Variants in GOLGA4 observed in about 807,000 individuals in gnomAD.
GOLGA4 encodes the protein golgin A4.
A neutral mutation model predicts 265.9 loss-of-function variants in GOLGA4; 169 were observed. That is an observed-to-expected ratio of 0.64 (90% CI 0.56 to 0.72). GOLGA4 has a LOEUF of 0.72. Ranked by LOEUF, GOLGA4 falls within the 30% of genes least tolerant of loss-of-function variation. GOLGA4 has a pLI of 0.00. For synonymous variants in GOLGA4, 923 were observed against 855.8 expected, an observed-to-expected ratio of 1.08 and a Z score of -1.37; for missense variants, 2,482 against 2,483.4, an observed-to-expected ratio of 1.00 and a Z score of 0.01.
chr3:37,282,797 A>G (rs1276316582), intron 3 of GOLGA4, among the ~76,000 whole-genome samples: 1 of 152,210 alleles, frequency 6.6e-6, no homozygotes, highest in Non-Finnish European at 1.5e-5. Context: ...ACCCTTGAGA[A>G]TGACACTCCC....
chr3:37,251,939 T>TATA (rs1396062401), intron 2 of GOLGA4, among the ~76,000 whole-genome samples: 3 of 152,220 alleles, frequency 2.0e-5, no homozygotes, highest in Non-Finnish European at 4.4e-5. Context: ...AATTATGCTT[T>TATA]ATAAAGTATG....
intron 20 of GOLGA4, among the ~76,000 whole-genome samples, chr3:37,344,033 TTATCTA>T (rs1438122649): frequency 2.6e-5 from 4 of 152,230 alleles, no homozygotes; most frequent in Non-Finnish European, 5.9e-5. Flanking sequence ...CTTTTCCACA[TTATCTA>T]TATGGTTACC....
At position 37,326,173 on chromosome 3, in the gene GOLGA4, T is replaced by G; in HGVS notation, c.4287T>G (p.Ile1429Met). The change falls in exon 14 of 24, where the codon ATT becomes ATG. Residue 1429 changes from isoleucine to methionine, a missense_variant. Around this residue, in one of 3 missense-constraint regions of GOLGA4, gnomAD observed 942 missense variants for 983.1 expected, o/e 0.96. Transcript: ENST00000361924. ...TTGACACTCTGAGTAAAGAGAAAATTTCTGCTCTTGAGCAGGTAGATGACT... is the reference window on the plus strand; with the variant it reads ...TTGACACTCTGAGTAAAGAGAAAATGTCTGCTCTTGAGCAGGTAGATGACT... ...FKVDTLSKEK[I>M]SALEQVDDWS... The G allele has an allele frequency of 6.2e-7, 1 of 1,613,332 alleles. No homozygotes were observed. Among genetic ancestry groups the G allele is most frequent in the Non-Finnish European group, 8.5e-7 (1 of 1,179,458 alleles).
In GOLGA4 at chr3:37,319,156, C is replaced by G. The variant is rs779004887; in HGVS notation, c.1507C>G (p.Arg503Gly). The G allele has an allele frequency of 1.4e-5, 23 of 1,608,702 alleles. No homozygotes were observed. In the South Asian group the frequency reaches 1.7e-4, roughly 12 times the overall value. Residue 503 changes from arginine to glycine, a missense_variant, in exon 12 of 24, where the codon CGA (arginine) becomes GGA (glycine). This residue lies in a region of GOLGA4 where 1,536 missense variants were observed against 1,483.7 expected (regional missense o/e 1.04). Transcript: ENST00000361924. ...EQELTKKLQT[R>G]EREFQEQMKV... ...GGAACTGACCAAGAAGCTTCAGACC[C>G]GAGAAAGGGAATTTCAGGAACAAAT...
chr3:37,263,001 C>T (rs140849911), intron 2 of GOLGA4, among the ~76,000 whole-genome samples: 1 of 152,360 alleles, frequency 6.6e-6, no homozygotes, highest in Non-Finnish European at 1.5e-5. Flanking sequence ...ACTTCACCTT[C>T]ACTCACCACT....
At chr3:37,307,576 T>C (rs1012121402) in intron 10 of GOLGA4, among the ~76,000 whole-genome samples, 5 of 152,108 alleles carry the variant, frequency 3.3e-5, no homozygotes, top group African/African-American at 1.2e-4. Context: ...CTATTTTTTT[T>C]CTTATCATGG....
At chr3:37,257,676 CTG>C in intron 2 of GOLGA4, among the ~76,000 whole-genome samples, 1 of 151,422 alleles carries the variant, frequency 6.6e-6, no homozygotes, top group South Asian at 2.1e-4. Flanking sequence ...GATGTTATCT[CTG>C]TGTCACTTTG....
intron 11 of GOLGA4, among the ~76,000 whole-genome samples, chr3:37,317,671 T>G (rs1435843120): frequency 6.6e-6 from 1 of 152,228 alleles, no homozygotes; most frequent in Non-Finnish European, 1.5e-5. Context: ...TTATCTAACT[T>G]TATCTTTCCA....
rs1376673942 is a variant in GOLGA4 at position 37,341,596 on chromosome 3, T to A, written c.6472+1397T>A. 3 of 152,228 alleles carry A rather than the reference T, an allele frequency of 2.0e-5. No individual in the cohort carries two copies. In the East Asian group the frequency reaches 5.8e-4, roughly 29 times the overall value. The allele number at this position is 152,228 out of a possible 1,614,324, so 9.4% of individuals were successfully genotyped here. On this transcript the variant is annotated intron_variant, in intron 20 of 23. Transcript: ENST00000361924. ...CGGAGATGATTCTTGCTGCAAAGATTATTTACTATAGCTAAGTCACTGAAT... is the reference window on the plus strand; with the variant it reads ...CGGAGATGATTCTTGCTGCAAAGATAATTTACTATAGCTAAGTCACTGAAT...
chr3:37,315,738 T>C (rs1423222678), intron 11 of GOLGA4, 140 bp downstream of exon 11: 1 of 742,588 alleles, frequency 1.3e-6, no homozygotes, highest in African/African-American at 1.8e-5. Context: ...TTGTAAAATT[T>C]TTGATAGATA....
intron 4 of GOLGA4, 86 bp from the exon 5 acceptor site, chr3:37,289,149 A>T: frequency 2.7e-6 from 2 of 740,356 alleles, no homozygotes; most frequent in Non-Finnish European, 4.6e-6. Context: ...GTAATATTTT[A>T]AAAATAATTA....
At position 37,327,064 on chromosome 3, in the gene GOLGA4, C is replaced by G; in HGVS notation, c.5178C>G (p.Ser1726=). The part of the protein sequence containing the change: ...AAYTEQEEAD[S]QGCVQKTYEE... ...ATACTGAACAAGAAGAAGCAGATTC[C>G]CAAGGCTGTGTGCAGAAGACATATG... The change falls in exon 14 of 24, where the codon TCC becomes TCG. Residue 1726 remains serine, a synonymous_variant. Coordinates refer to ENST00000361924, the MANE Select transcript of GOLGA4 (RefSeq NM_002078.5). 1 of 1,613,730 alleles carries G rather than the reference C, an allele frequency of 6.2e-7. No individual in the cohort carries two copies. The highest frequency in any genetic ancestry group is 1.3e-5 in the African/African-American group (1 of 74,950).
rs2096967034 is a variant in GOLGA4, at chr3:37,325,364, C to T, written c.3478C>T (p.Leu1160=). Reference sequence around the variant, plus strand: ...TTTTCTTCAAGAGCAGCTAGTTGAACTGAAGATGCTGGCAGAAGAAGATAA... The same window carrying T: ...TTTTCTTCAAGAGCAGCTAGTTGAATTGAAGATGCTGGCAGAAGAAGATAA... ...NTFLQEQLVE[L]KMLAEEDKRK... The change falls in exon 14 of 24, where the codon CTG becomes TTG. Residue 1160 remains leucine, a synonymous_variant. Coordinates refer to ENST00000361924, the MANE Select transcript of GOLGA4 (RefSeq NM_002078.5). 1 of 1,613,292 alleles carries T rather than the reference C, an allele frequency of 6.2e-7. No homozygotes were observed. Among genetic ancestry groups the T allele is most frequent in the Admixed American group, 1.7e-5 (1 of 59,964 alleles).
intron 9 of GOLGA4, among the ~76,000 whole-genome samples, chr3:37,300,683 T>A (rs996143420): frequency 7.2e-5 from 11 of 152,086 alleles, no homozygotes; most frequent in Non-Finnish European, 2.9e-5. Flanking sequence ...AATTTTATCA[T>A]TTTTTTCCAA....
chr3:37,347,396 A>C, intron 21 of GOLGA4, 100 bp downstream of exon 21: 1 of 657,018 alleles, frequency 1.5e-6, no homozygotes, highest in Non-Finnish European at 2.8e-6. Context: ...ACTATTAGCA[A>C]ATCAGACATG....
In GOLGA4 at chr3:37,323,682, A is replaced by G. The variant is rs142972537; in HGVS notation, c.1796A>G (p.Asn599Ser). ...GCTGTTCATCTGGAAGCTGAAAAAA[A>G]TAAGCACAATAAGGAGATTACAGTC... ...DLAVHLEAEK[N>S]KHNKEITVMV... is the part of the protein sequence containing the mutation. Residue 599 changes from asparagine to serine, a missense_variant, in exon 14 of 24, where the codon AAT becomes AGT. Physicochemically the swap from Asn to Ser is conservative, Grantham distance 46 (BLOSUM62 1). Transcript: ENST00000361924. The G allele has an allele frequency of 1.1e-5, 17 of 1,607,364 alleles. No individual in the cohort carries two copies. The highest frequency in any genetic ancestry group is 1.7e-5 in the Admixed American group (1 of 58,476).
chr3:37,250,145 G>A (rs752606085), intron 1 of GOLGA4: 2 of 152,160 alleles, frequency 1.3e-5, no homozygotes, highest in Non-Finnish European at 2.9e-5. Flanking sequence ...TGTCATATTT[G>A]TAGATGCTTT....
At chr3:37,303,899 T>C (rs748943872) in intron 10 of GOLGA4, among the ~76,000 whole-genome samples, 4 of 152,210 alleles carry the variant, frequency 2.6e-5, no homozygotes, top group Non-Finnish European at 4.4e-5. Context: ...TCCTCACAAG[T>C]GTATGAAATA....
intron 2 of GOLGA4, 141 bp downstream of exon 2, chr3:37,251,625 CTTT>C (rs112817114): frequency 5.2e-3 from 2,466 of 472,540 alleles, no homozygotes; most frequent in Non-Finnish European, 6.1e-3. Flanking sequence ...CACAATTGGT[CTTT>C]TTTTTTTTTT....
Sources: allele counts gnomAD v4.1 joint callset (sites outside exome capture counted in the v4.1 genomes callset), GRCh38; gene constraint gnomAD v4.1.1; regional missense constraint gnomAD v4.1.1; transcripts MANE v1.5; gene names NCBI Gene and HGNC (gene_info 2026-07-23, HGNC 2026-07-21).